EYS: variants seen among roughly 807,000 people sequenced by gnomAD.
The protein encoded by EYS is EGF-like photoreceptor maintenance factor.
Under a neutral mutation model 282.1 loss-of-function variants are expected in EYS, and 250 were observed. The ratio of observed to expected loss-of-function variants is 0.89; its 90% confidence interval spans 0.80 to 0.98. The LOEUF is 0.98. Among genes scored for constraint, EYS ranks in the 50% least tolerant of loss-of-function variants. The pLI is 0.00. For missense variants in EYS, 4,016 were observed against 3,709.0 expected, an observed-to-expected ratio of 1.08 and a Z score of -2.15; for synonymous variants, 1,355 against 1,282.9, an observed-to-expected ratio of 1.06 and a Z score of -1.20.
chr6:64,455,590 C>T (rs1268732943), intron 26 of EYS, among the ~76,000 whole-genome samples: 1 of 152,010 alleles, frequency 6.6e-6, no homozygotes, highest in Non-Finnish European at 1.5e-5. Flanking sequence ...TGTCCTAATG[C>T]ACTCCCTCCC....
intron 13 of EYS, among the ~76,000 whole-genome samples, chr6:65,011,911 G>T (rs1771884184): frequency 1.3e-5 from 2 of 152,188 alleles, no homozygotes; most frequent in East Asian, 1.9e-4. Flanking sequence ...ACCCCCTTTG[G>T]GTCGCCTCCC....
chr6:63,882,817 A>T (rs544001417), intron 35 of EYS, among the ~76,000 whole-genome samples: 1 of 152,314 alleles, frequency 6.6e-6, no homozygotes, highest in East Asian at 1.9e-4. Context: ...ATGTTTAAAT[A>T]GTGAACAACA....
intron 22 of EYS, among the ~76,000 whole-genome samples, chr6:64,757,808 G>A (rs930621854): frequency 4.9e-5 from 7 of 141,682 alleles, no homozygotes; most frequent in Admixed American, 1.4e-4. Context: ...TGTTTGAGAC[G>A]GAGTCTCGCT....
At chr6:63,862,463 T>C (rs1772559896) in intron 36 of EYS, among the ~76,000 whole-genome samples, 2 of 152,144 alleles carry the variant, frequency 1.3e-5, no homozygotes, top group South Asian at 4.1e-4. Flanking sequence ...TCTAATAATG[T>C]CAATTTTTCC....
At chr6:63,902,741 C>T (rs1460505315) in intron 35 of EYS, among the ~76,000 whole-genome samples, 3 of 151,776 alleles carry the variant, frequency 2.0e-5, no homozygotes, top group African/African-American at 7.3e-5. Flanking sequence ...TATAAAAAAT[C>T]CAAAAGGGAA....
intron 1 of EYS, among the ~76,000 whole-genome samples, chr6:65,684,016 T>A (rs1251929528): frequency 6.6e-6 from 1 of 152,050 alleles, no homozygotes; most frequent in Non-Finnish European, 1.5e-5. Context: ...GTTTTCCTTT[T>A]GGTTTCTGTT....
At chr6:64,952,166 A>C (rs1458489621) in intron 14 of EYS, among the ~76,000 whole-genome samples, 2 of 151,986 alleles carry the variant, frequency 1.3e-5, no homozygotes, top group Non-Finnish European at 2.9e-5. Flanking sequence ...TAATGGAGTG[A>C]AAGAAAATAA....
chr6:64,094,327 GT>G (rs1772498088), intron 31 of EYS, among the ~76,000 whole-genome samples: 1 of 152,046 alleles, frequency 6.6e-6, no homozygotes, highest in Admixed American at 6.6e-5. Flanking sequence ...TTCAAAAGGA[GT>G]GGTACCAGCT....
chr6:63,957,079 A>T (rs1384781342), intron 35 of EYS, among the ~76,000 whole-genome samples: 1 of 152,208 alleles, frequency 6.6e-6, no homozygotes, highest in Non-Finnish European at 1.5e-5. Flanking sequence ...ATTAACACTG[A>T]ACTCATAGCC....
chr6:65,007,429 G>T (rs1023782070), intron 13 of EYS, among the ~76,000 whole-genome samples: 21 of 152,246 alleles, frequency 1.4e-4, no homozygotes, highest in African/African-American at 4.6e-4. Flanking sequence ...CTCTTCAAGG[G>T]GGGAGAAACC....
chr6:64,431,115 A>G (rs574867548), intron 28 of EYS, among the ~76,000 whole-genome samples: 1 of 150,312 alleles, frequency 6.7e-6, no homozygotes, highest in South Asian at 2.2e-4. Flanking sequence ...CCCATGGGAC[A>G]CAACACAAGG....
chr6:65,527,886 C>T (rs980009914), intron 2 of EYS, among the ~76,000 whole-genome samples: 1 of 152,190 alleles, frequency 6.6e-6, no homozygotes, highest in Non-Finnish European at 1.5e-5. Context: ...ATCCATACAA[C>T]ATTGTCTGAA....
chr6:64,784,323 T>C (rs1773952276), intron 22 of EYS, among the ~76,000 whole-genome samples: 1 of 152,150 alleles, frequency 6.6e-6, no homozygotes, highest in Admixed American at 6.5e-5. Flanking sequence ...GTATATACTT[T>C]ATATATATGT....
intron 2 of EYS, among the ~76,000 whole-genome samples, chr6:65,632,329 G>T (rs1197085110): frequency 6.6e-6 from 1 of 152,086 alleles, no homozygotes; most frequent in Non-Finnish European, 1.5e-5. Context: ...ACAAGTTAAT[G>T]CATTTTGGAA....
intron 34 of EYS, among the ~76,000 whole-genome samples, chr6:63,997,006 A>G (rs1413728266): frequency 1.3e-5 from 2 of 152,188 alleles, no homozygotes; most frequent in South Asian, 2.1e-4. Flanking sequence ...GAAAAATACT[A>G]TTTTGTACAT....
chr6:64,038,348 G>A (rs1439574518), intron 33 of EYS, among the ~76,000 whole-genome samples: 1 of 151,960 alleles, frequency 6.6e-6, no homozygotes, highest in Non-Finnish European at 1.5e-5. Context: ...ATAACTGTGA[G>A]GTAATATATA....
chr6:64,418,113 G>C lies in EYS; in HGVS notation c.5927+18061C>G, dbSNP rs568322694. Reference sequence around the variant, plus strand: ...GGGGAGACAGGGAAACCACAGGGTGGGGCTAATAGTTCCCTACCCAACTCT... The same window carrying C: ...GGGGAGACAGGGAAACCACAGGGTGCGGCTAATAGTTCCCTACCCAACTCT... On this transcript the variant is annotated intron_variant, in intron 28 of 42. Transcript: ENST00000503581. 2.6e-5 allele frequency among the ~76,000 whole-genome samples: 4 copies of C among 152,142 alleles called. No individual in the cohort carries two copies. The East Asian group carries it at 7.7e-4, about 29-fold the overall frequency.
chr6:64,023,645 C>T (rs572739468), intron 33 of EYS, among the ~76,000 whole-genome samples: 4 of 152,364 alleles, frequency 2.6e-5, no homozygotes, highest in Non-Finnish European at 4.4e-5. Context: ...TAGCTCTCGG[C>T]ACCTCCTTTG....
chr6:64,894,228 G>A (rs892411724), intron 18 of EYS, among the ~76,000 whole-genome samples: 6 of 152,036 alleles, frequency 3.9e-5, no homozygotes, highest in African/African-American at 7.2e-5. Flanking sequence ...GCATCACCTT[G>A]TTCATATATC....
Sources: allele counts gnomAD v4.1 joint callset (sites outside exome capture counted in the v4.1 genomes callset), GRCh38; gene constraint gnomAD v4.1.1; transcripts MANE v1.5; gene names NCBI Gene and HGNC (gene_info 2026-07-23, HGNC 2026-07-21).